The following MOGAT2 variants were observed in gnomAD, a reference collection of about 807,000 sequenced individuals.
MOGAT2 encodes 2-acylglycerol O-acyltransferase 2.
In MOGAT2, 27 loss-of-function variants were observed where a neutral mutation model predicts 31.5. The observed-to-expected ratio is 0.86, with a 90% CI of 0.63 to 1.18. The LOEUF is 1.18. MOGAT2 is among the 50% of genes most tolerant of loss of function. The pLI is 0.00. For missense variants in MOGAT2, 436 were observed against 433.2 expected (o/e 1.01, Z -0.06); for synonymous variants, 163 against 170.0 (o/e 0.96, Z 0.32).
At chr11:75,728,201 AT>A in intron 4 of MOGAT2, 57 bp downstream of exon 4, 1 of 1,546,576 alleles carries the variant, frequency 6.5e-7, no homozygotes. Flanking sequence ...CAAGGATTTT[AT>A]TTTGGTGGGA....
At chr11:75,722,556 T>C (rs1590839211) in intron 2 of MOGAT2, among the ~76,000 whole-genome samples, 2 of 151,752 alleles carry the variant, frequency 1.3e-5, no homozygotes. Flanking sequence ...TGCCGCAGGG[T>C]GAGTTCTGAG....
chr11:75,718,673 A>G (rs564487148), intron 1 of MOGAT2, among the ~76,000 whole-genome samples: 1 of 152,242 alleles, frequency 6.6e-6, no homozygotes, highest in Non-Finnish European at 1.5e-5. Context: ...CTCACACTGG[A>G]GGGCATGAGC....
intron 2 of MOGAT2, among the ~76,000 whole-genome samples, chr11:75,721,387 A>G (rs1944375302): frequency 6.6e-6 from 1 of 152,016 alleles, no homozygotes; most frequent in South Asian, 2.1e-4. Flanking sequence ...GGTTCAAGCA[A>G]TTCTCCTACC....
intron 5 of MOGAT2, among the ~76,000 whole-genome samples, chr11:75,730,676 C>A (rs558216115): frequency 6.6e-6 from 1 of 151,948 alleles, no homozygotes; most frequent in African/African-American, 2.4e-5. Flanking sequence ...TTTGGGAGGT[C>A]GAGACGGGCA....
chr11:75,722,685 C>T (rs965095032), intron 2 of MOGAT2, among the ~76,000 whole-genome samples: 2 of 152,230 alleles, frequency 1.3e-5, no homozygotes, highest in African/African-American at 2.4e-5. Context: ...TGGGACTGCT[C>T]ACCTGAAAGT....
intron 2 of MOGAT2, among the ~76,000 whole-genome samples, chr11:75,725,173 T>C (rs941863865): frequency 1.3e-5 from 2 of 152,202 alleles, no homozygotes; most frequent in Non-Finnish European, 2.9e-5. Flanking sequence ...ATTGTGTTTA[T>C]GGAGGTGCAA....
In MOGAT2 at chr11:75,728,155, T is replaced by A. The variant is rs759058427; in HGVS notation, c.650+11T>A. 6.8e-6 allele frequency: 11 copies of A among 1,611,454 alleles called. No individual in the cohort carries two copies. Among genetic ancestry groups the A allele is most frequent in the Non-Finnish European group, 8.5e-6 (10 of 1,178,740 alleles). ...CGCCCTGACACACGGGTATCAAGCC[T>A]CTGGGAAGAGCACTCTGGGTTCAGT... On this transcript the variant is annotated intron_variant, in intron 4 of 5. Transcript: ENST00000198801.
At chr11:75,726,229 G>A (rs911643847) in intron 2 of MOGAT2, among the ~76,000 whole-genome samples, 1 of 152,158 alleles carries the variant, frequency 6.6e-6, no homozygotes, top group Non-Finnish European at 1.5e-5. Context: ...GTGGCCAAGG[G>A]GCAATGAAGG....
chr11:75,721,315 C>T (rs971770155), intron 2 of MOGAT2, among the ~76,000 whole-genome samples: 2 of 151,866 alleles, frequency 1.3e-5, no homozygotes, highest in African/African-American at 4.8e-5. Context: ...TGGAGTCTCG[C>T]TCTGTCACCC....
rs895210659 is a variant in MOGAT2 at position 75,729,121 on chromosome 11, C to T, written c.850+132C>T. On this transcript the variant is annotated intron_variant, in intron 5 of 5. Transcript: ENST00000198801. ...CTCACATTCTAGACTGGGAAACATA[C>T]ACACACAAGCAGATAGAATAGAAGA... 22 of 795,284 alleles carry T rather than the reference C, an allele frequency of 2.8e-5. 1 individual carries two copies. The highest frequency in any genetic ancestry group is 2.7e-4 in the Admixed American group (12 of 43,838). 49.3% of individuals were successfully genotyped at this position (795,284 alleles called of 1,614,324 possible). A position where few individuals can be genotyped will look rare whatever the true frequency, so the allele number is the denominator to read the frequency against.
chr11:75,719,669 C>T, intron 1 of MOGAT2: 1 of 337,864 alleles, frequency 3.0e-6, no homozygotes, highest in Admixed American at 4.0e-5. Flanking sequence ...TTAATGAGTA[C>T]AAACAACTCT....
Position 75,717,996 on chromosome 11 carries a change from T to C in MOGAT2, c.91+17T>C, listed in dbSNP as rs778972031. 6.8e-6 allele frequency: 11 copies of C among 1,612,948 alleles called. No individual in the cohort carries two copies. The highest frequency in any genetic ancestry group is 9.3e-6 in the Non-Finnish European group (11 of 1,179,250). On this transcript the variant is annotated intron_variant, in intron 1 of 5. Coordinates refer to ENST00000198801, the MANE Select transcript of MOGAT2 (RefSeq NM_025098.4). ...TGGCACTGGGTAAGTTGGGCTGCAC[T>C]GTAAGACGGGAGACCACCGCACTCA...
intron 2 of MOGAT2, 81 bp from the exon 3 acceptor site, chr11:75,727,354 C>T (rs367628348): frequency 2.1e-6 from 3 of 1,402,504 alleles, no homozygotes; most frequent in Non-Finnish European, 2.9e-6. Flanking sequence ...GGGGAGGTTT[C>T]CCAAGGTCAC....
At chr11:75,729,376 G>C (rs912166987) in intron 5 of MOGAT2, among the ~76,000 whole-genome samples, 1 of 152,174 alleles carries the variant, frequency 6.6e-6, no homozygotes, top group African/African-American at 2.4e-5. Flanking sequence ...CTGGGTTCAA[G>C]AGATTCTCAT....
At chr11:75,725,128 CA>C (rs1944410325) in intron 2 of MOGAT2, among the ~76,000 whole-genome samples, 1 of 152,150 alleles carries the variant, frequency 6.6e-6, no homozygotes, top group Middle Eastern at 3.2e-3. Context: ...GTTAAAAGAT[CA>C]GTTATATTTT....
chr11:75,731,231 A>G lies in MOGAT2; in HGVS notation c.950A>G (p.Glu317Gly). 1 of 1,614,184 alleles carries G rather than the reference A, an allele frequency of 6.2e-7. No homozygotes were observed. The highest frequency in any genetic ancestry group is 8.5e-7 in the Non-Finnish European group (1 of 1,180,036). Residue 317 changes from glutamate (E) to glycine (G), a missense_variant, in exon 6 of 6, where the codon GAG becomes GGG. Transcript: ENST00000198801. ...ATCAAAGAGCTGTGCAACCTCTTCG[A>G]GGCCCACAAACTTAAGTTCAACATC... ...RYIKELCNLFEAHKLKFNIPA... is the reference protein window; with the variant it reads ...RYIKELCNLFGAHKLKFNIPA...
In MOGAT2 at chr11:75,727,459, C is replaced by T; in HGVS notation, c.295C>T (p.Pro99Ser). 1 of 1,614,102 alleles carries T rather than the reference C, an allele frequency of 6.2e-7. No homozygotes were observed. The highest frequency in any genetic ancestry group is 8.5e-7 in the Non-Finnish European group (1 of 1,180,008). The change falls in exon 3 of 6, where the codon CCC becomes TCC. Residue 99 changes from proline to serine, a missense_variant. Coordinates refer to ENST00000198801, the MANE Select transcript of MOGAT2 (RefSeq NM_025098.4). Reference protein sequence around the residue: ...ISLVKTAELDPSRNYIAGFHP... With the variant: ...ISLVKTAELDSSRNYIAGFHP... ...GCTGGTCAAGACTGCTGAGCTGGAC[C>T]CCTCTCGGAACTACATTGCGGGCTT...
intron 3 of MOGAT2, 149 bp from the exon 4 acceptor site, chr11:75,727,821 C>A: frequency 9.8e-7 from 1 of 1,020,330 alleles, no homozygotes; most frequent in Non-Finnish European, 1.4e-6. Context: ...AGGGAGAAGA[C>A]TCAGGGAGCT....
At chr11:75,728,487 G>T (rs1319277825) in intron 4 of MOGAT2, 5 of 548,590 alleles carry the variant, frequency 9.1e-6, no homozygotes, top group African/African-American at 7.6e-5. Context: ...AGCCAGCTGA[G>T]GTGGGAGATA....
Sources: gnomAD v4.1 joint callset for allele counts (sites outside exome capture counted in the v4.1 genomes callset) on GRCh38, gnomAD v4.1.1 for gene constraint, MANE v1.5 for transcripts, NCBI Gene and HGNC (gene_info 2026-07-23, HGNC 2026-07-21) for gene names.